The following SLC9A5 variants were observed in gnomAD, a reference collection of about 807,000 sequenced individuals.
The protein encoded by SLC9A5 is solute carrier family 9 member A5.
SLC9A5 carries 52 observed loss-of-function variants against 91.7 expected under a neutral mutation model. That is an observed-to-expected ratio of 0.57 (90% CI 0.45 to 0.71). The LOEUF (loss-of-function observed/expected upper bound fraction) is 0.71, where lower values mean the gene tolerates loss of function less well. Among genes scored for constraint, SLC9A5 ranks in the 30% least tolerant of loss-of-function variants. SLC9A5 has a pLI of 0.00. For missense variants in SLC9A5, 871 were observed against 1,158.9 expected, an observed-to-expected ratio of 0.75 and a Z score of 3.61; for synonymous variants, 419 against 474.5, an observed-to-expected ratio of 0.88 and a Z score of 1.52.
In SLC9A5 at chr16:67,255,804, C is replaced by T; in HGVS notation, c.785C>T (p.Ala262Val). 6.2e-7 allele frequency: 1 copy of T among 1,603,130 alleles called. No individual in the cohort carries two copies. The highest frequency in any genetic ancestry group is 1.3e-5 in the African/African-American group (1 of 74,958). Residue 262 changes from alanine to valine, a missense_variant, in exon 5 of 16, where the codon GCC becomes GTC. Physicochemically the swap from Ala to Val is moderately conservative, Grantham distance 64. This residue lies in a region of SLC9A5 where 454 missense variants were observed against 718.3 expected (regional missense o/e 0.63). Transcript: ENST00000299798. The surrounding 1 kb of genome is among the most constrained non-coding windows in gnomAD (Gnocchi z 4.9). ...GGGGCAGCCGTGGGCTTAGTCTTTGCCTTCCTCCTGGCCCTGACCACACGC... is the reference window on the plus strand; with the variant it reads ...GGGGCAGCCGTGGGCTTAGTCTTTGTCTTCCTCCTGGCCCTGACCACACGC... ...LGGAAVGLVFAFLLALTTRFT... is the reference protein window; with the variant it reads ...LGGAAVGLVFVFLLALTTRFT...
chr16:67,255,309 A>C lies in SLC9A5; in HGVS notation c.655-84A>C, dbSNP rs1025086755. 6.5e-7 allele frequency: 1 copy of C among 1,528,310 alleles called. No homozygotes were observed. Among genetic ancestry groups the C allele is most frequent in the Non-Finnish European group, 9.0e-7 (1 of 1,112,510 alleles). 94.7% of individuals were successfully genotyped at this position (1,528,310 alleles called of 1,614,324 possible). Reference sequence around the variant, plus strand: ...GGGCAGAAATATGCTGTCTGCTTTCACCCTGCTCTCCCAGCAGTCTGTCTC... The same window carrying C: ...GGGCAGAAATATGCTGTCTGCTTTCCCCCTGCTCTCCCAGCAGTCTGTCTC... On this transcript the variant is annotated intron_variant, in intron 3 of 15. Coordinates refer to ENST00000299798, the MANE Select transcript of SLC9A5 (RefSeq NM_004594.3). This position sits in a 1 kb window ranked among gnomAD's most constrained non-coding sequence, Gnocchi z 4.9.
At chr16:67,267,990 A>G (rs1416531030) in intron 15 of SLC9A5, among the ~76,000 whole-genome samples, 1 of 152,060 alleles carries the variant, frequency 6.6e-6, no homozygotes, top group Non-Finnish European at 1.5e-5. Flanking sequence ...TAAATACTTC[A>G]GTACATGTCT....
In SLC9A5 at chr16:67,252,503, C is replaced by G; in HGVS notation, c.188-39C>G. On this transcript the variant is annotated intron_variant, in intron 1 of 15. Coordinates refer to ENST00000299798, the MANE Select transcript of SLC9A5 (RefSeq NM_004594.3). The surrounding 1 kb of genome is among the most constrained non-coding windows in gnomAD (Gnocchi z 4.0). ...ATAGGCCTGTGTGTGGGAGGATATT[C>G]CATAAACTGATCCATCCTGCACTCT... is the stretch of plus-strand genomic sequence containing the variant. 1 of 1,544,262 alleles carries G rather than the reference C, an allele frequency of 6.5e-7. No homozygotes were observed. Among genetic ancestry groups the G allele is most frequent in the Non-Finnish European group, 8.8e-7 (1 of 1,132,284 alleles).
In SLC9A5 at chr16:67,268,699, T is replaced by A. The variant is rs1240179259; in HGVS notation, c.2219-2039T>A. 4.3e-4 allele frequency among the ~76,000 whole-genome samples: 40 copies of A among 92,630 alleles called. 2 individuals are homozygous for A. The highest frequency in any genetic ancestry group is 1.6e-3 in the African/African-American group (40 of 25,144). The allele number at this position is 92,630 out of a possible 152,430, so 60.8% of individuals were successfully genotyped here. ...ATATATATATATATATATATATATATATATATATATATTTTTACAGTAGGC... is the reference window on the plus strand; with the variant it reads ...ATATATATATATATATATATATATAAATATATATATATTTTTACAGTAGGC... On this transcript the variant is annotated intron_variant, in intron 15 of 15. Coordinates refer to ENST00000299798, the MANE Select transcript of SLC9A5 (RefSeq NM_004594.3).
intron 1 of SLC9A5, among the ~76,000 whole-genome samples, chr16:67,250,714 C>T (rs2035081885): frequency 6.6e-6 from 1 of 152,156 alleles, no homozygotes; most frequent in South Asian, 2.1e-4. Context: ...TTTTATTAAA[C>T]AAATATTTAC....
chr16:67,266,850 CTTTTT>C (rs61525765), intron 15 of SLC9A5, among the ~76,000 whole-genome samples: 3 of 118,968 alleles, frequency 2.5e-5, no homozygotes, highest in African/African-American at 9.4e-5. Context: ...CTATTCTTTT[CTTTTT>C]TTTTTTTTTT....
rs375842803 is a variant in SLC9A5 at position 67,255,500 on chromosome 16, T to C, written c.733+29T>C. 2.8e-5 allele frequency: 45 copies of C among 1,610,030 alleles called. No homozygotes were observed. The highest frequency in any genetic ancestry group is 3.6e-5 in the Non-Finnish European group (42 of 1,176,476). ...AGTATTTCCCCGCTCCCAGCTGGCA[T>C]TGGAGGTCTGCCTCCCCTGGGTTGC... is the stretch of plus-strand genomic sequence containing the variant. On this transcript the variant is annotated intron_variant, in intron 4 of 15. Coordinates refer to ENST00000299798, the MANE Select transcript of SLC9A5 (RefSeq NM_004594.3). This position sits in a 1 kb window ranked among gnomAD's most constrained non-coding sequence, Gnocchi z 4.9.
chr16:67,264,395 A>G lies in SLC9A5; in HGVS notation c.1886A>G (p.Gln629Arg). ...CGCCACTTCATCTCAGAGGATGCGC[A>G]GGAGCGGCAGGACAAGGAGGTCTTC... ...CSRHFISEDAQERQDKEVFQQ... is the reference protein window; with the variant it reads ...CSRHFISEDARERQDKEVFQQ... The change falls in exon 13 of 16, where the codon CAG becomes CGG. Residue 629 changes from glutamine (Q) to arginine (R), a missense_variant. Around this residue, in one of 3 missense-constraint regions of SLC9A5, gnomAD observed 454 missense variants for 718.3 expected, o/e 0.63. Coordinates refer to ENST00000299798, the MANE Select transcript of SLC9A5 (RefSeq NM_004594.3). The G allele has an allele frequency of 6.2e-7, 1 of 1,614,180 alleles. No individual in the cohort carries two copies. Among genetic ancestry groups the G allele is most frequent in the Non-Finnish European group, 8.5e-7 (1 of 1,180,016 alleles).
At position 67,271,063 on chromosome 16, in the gene SLC9A5, T is replaced by G; in HGVS notation, c.2544T>G (p.Ala848=). 1 of 1,611,712 alleles carries G rather than the reference T, an allele frequency of 6.2e-7. No homozygotes were observed. The highest frequency in any genetic ancestry group is 8.5e-7 in the Non-Finnish European group (1 of 1,178,306). The part of the protein sequence containing the change: ...SFAFPPSLAK[A]GRSRSESSAD... Reference sequence around the variant, plus strand: ...CCTTCCCACCGAGCCTGGCCAAGGCTGGCCGCTCTCGCAGTGAGAGCAGCG... The same window carrying G: ...CCTTCCCACCGAGCCTGGCCAAGGCGGGCCGCTCTCGCAGTGAGAGCAGCG... The change falls in exon 16 of 16, where the codon GCT becomes GCG. Residue 848 remains alanine, a synonymous_variant. Coordinates refer to ENST00000299798, the MANE Select transcript of SLC9A5 (RefSeq NM_004594.3).
At chr16:67,262,640 G>C (rs948307041) in intron 12 of SLC9A5, 3 of 238,144 alleles carry the variant, frequency 1.3e-5, no homozygotes, top group Non-Finnish European at 2.6e-5. Context: ...CCACAGATCT[G>C]TATCACTGGG....
chr16:67,249,179 G>A lies in SLC9A5; in HGVS notation c.165G>A (p.Leu55=). ...EAPYLVALWI[L]VASLAKIVFH... ...CCTACCTGGTGGCCCTGTGGATCCT[G>A]GTGGCCAGTCTGGCCAAAATCGGTG... Residue 55 remains leucine (L), a synonymous_variant, in exon 1 of 16, where the codon CTG becomes CTA. Transcript: ENST00000299798. 6.5e-7 allele frequency: 1 copy of A among 1,545,938 alleles called. No individual in the cohort carries two copies. Among genetic ancestry groups the A allele is most frequent in the African/African-American group, 1.4e-5 (1 of 71,654 alleles).
At chr16:67,253,253 T>G (rs1567406792) in intron 2 of SLC9A5, among the ~76,000 whole-genome samples, 1 of 152,064 alleles carries the variant, frequency 6.6e-6, no homozygotes, top group Non-Finnish European at 1.5e-5. Context: ...TTATTATTAT[T>G]TTTTTTTCTT....
rs188357454 is a variant in SLC9A5 at position 67,255,948 on chromosome 16, T to G, written c.911+18T>G. 2,253 of 1,608,960 alleles carry G rather than the reference T, an allele frequency of 1.4e-3. 14 individuals carry two copies. The highest frequency in any genetic ancestry group is 1.6e-3 in the Middle Eastern group (9 of 5,716). On this transcript the variant is annotated intron_variant, in intron 5 of 15. Coordinates refer to ENST00000299798, the MANE Select transcript of SLC9A5 (RefSeq NM_004594.3). The surrounding 1 kb of genome is among the most constrained non-coding windows in gnomAD (Gnocchi z 4.9). ...ATTCTTGCGTGAGTTCTGGGGGCCT[T>G]GCAGGCAGATAGCTGGGAGGGGGCA...
At position 67,256,702 on chromosome 16, in the gene SLC9A5, C is replaced by A; in HGVS notation, c.1132+13C>A. ...TTCCGAGCCCTCGGTATTGCTGGCACCCTCTGCTTTCCCACTCTCCTTCCT... is the reference window on the plus strand; with the variant it reads ...TTCCGAGCCCTCGGTATTGCTGGCAACCTCTGCTTTCCCACTCTCCTTCCT... On this transcript the variant is annotated intron_variant, in intron 6 of 15. Transcript: ENST00000299798. The surrounding 1 kb of genome is among the most constrained non-coding windows in gnomAD (Gnocchi z 4.1). 1 of 1,596,840 alleles carries A rather than the reference C, an allele frequency of 6.3e-7. No individual in the cohort carries two copies. The highest frequency in any genetic ancestry group is 8.6e-7 in the Non-Finnish European group (1 of 1,166,830).
chr16:67,263,353 G>C (rs1314194773), intron 12 of SLC9A5: 1 of 152,164 alleles, frequency 6.6e-6, no homozygotes, highest in African/African-American at 2.4e-5. Context: ...TGGGATTTGA[G>C]GCAAGATAAG....
chr16:67,251,833 A>C (rs969332752), intron 1 of SLC9A5, among the ~76,000 whole-genome samples: 1 of 152,192 alleles, frequency 6.6e-6, no homozygotes, highest in Admixed American at 6.5e-5. Context: ...AAGATCACAG[A>C]ACTAAGCTTT....
chr16:67,258,773 C>T lies in SLC9A5; in HGVS notation c.1626+326C>T, dbSNP rs540382924. On this transcript the variant is annotated intron_variant, in intron 10 of 15. Transcript: ENST00000299798. The surrounding 1 kb of genome is among the most constrained non-coding windows in gnomAD (Gnocchi z 4.5). Reference sequence around the variant, plus strand: ...GAAAGCAGGCATAAGAGGCTGGGCACGGTGGCTCACGCCTGTAATCCCAGC... The same window carrying T: ...GAAAGCAGGCATAAGAGGCTGGGCATGGTGGCTCACGCCTGTAATCCCAGC... Among the ~76,000 whole-genome samples the T allele has an allele frequency of 1.6e-4, 25 of 152,278 alleles. No individual in the cohort carries two copies. Among genetic ancestry groups the T allele is most frequent in the African/African-American group, 4.1e-4 (17 of 41,544 alleles).
At position 67,264,506 on chromosome 16, in the gene SLC9A5, A is replaced by C. The variant is rs1399735004; in HGVS notation, c.1997A>C (p.Lys666Thr). 2 of 1,614,194 alleles carry C rather than the reference A, an allele frequency of 1.2e-6. No homozygotes were observed. Among genetic ancestry groups the C allele is most frequent in the Admixed American group, 3.3e-5 (2 of 60,018 alleles). The change falls in exon 13 of 16, where the codon AAG (lysine) becomes ACG (threonine). Residue 666 changes from lysine to threonine, a missense_variant. By Grantham distance (78) the Lys-to-Thr change is moderately conservative. This residue lies in a region of SLC9A5 where 295 missense variants were observed against 326.0 expected (regional missense o/e 0.90). Transcript: ENST00000299798. ...ACCAAGAGCAAGCCACGACCCCGCA[A>C]GACTGGCCGCAGGAAGGCATGTCTT... The part of the protein sequence containing the change: ...CFTKSKPRPR[K>T]TGRRKKDGVA...
chr16:67,262,011 T>C (rs2035547767), intron 12 of SLC9A5: 1 of 321,826 alleles, frequency 3.1e-6, no homozygotes, highest in Non-Finnish European at 6.2e-6. Context: ...AATCGGTTCA[T>C]GTGTAGTCTG....
Sources: allele counts gnomAD v4.1 joint callset (sites outside exome capture counted in the v4.1 genomes callset), GRCh38; gene constraint gnomAD v4.1.1; regional missense constraint gnomAD v4.1.1; non-coding constraint Gnocchi (gnomAD v3.1); transcripts MANE v1.5; gene names NCBI Gene and HGNC (gene_info 2026-07-23, HGNC 2026-07-21).